The following SLC25A13 variants were observed in gnomAD, a reference collection of about 807,000 sequenced individuals.
The protein encoded by SLC25A13 is electrogenic aspartate/glutamate antiporter SLC25A13, mitochondrial.
In SLC25A13, 70 loss-of-function variants were observed where a neutral mutation model predicts 85.5. That is an observed-to-expected ratio of 0.82 (90% confidence interval 0.68 to 1.00). The LOEUF is 1.00. Among genes scored for constraint, SLC25A13 ranks in the 50% least tolerant of loss-of-function variants. The pLI, the probability that SLC25A13 is intolerant of heterozygous loss-of-function variation, is 0.00. For missense variants in SLC25A13, 765 were observed against 819.8 expected, an observed-to-expected ratio of 0.93 and a Z score of 0.82; for synonymous variants, 259 against 288.7, an observed-to-expected ratio of 0.90 and a Z score of 1.04.
intron 1 of SLC25A13, among the ~76,000 whole-genome samples, chr7:96,317,800 A>C (rs1268629833): frequency 1.6e-5 from 2 of 122,710 alleles, no homozygotes; most frequent in South Asian, 2.5e-4. Context: ...ATTTTATTTT[A>C]CTTTATTTTA....
chr7:96,213,382 G>A (rs951571747), intron 4 of SLC25A13, among the ~76,000 whole-genome samples: 1 of 152,108 alleles, frequency 6.6e-6, no homozygotes, highest in Non-Finnish European at 1.5e-5. Flanking sequence ...GCTCTCAGAG[G>A]TAAGAGGAAC....
At chr7:96,255,357 A>G (rs1797594987) in intron 3 of SLC25A13, among the ~76,000 whole-genome samples, 1 of 152,240 alleles carries the variant, frequency 6.6e-6, no homozygotes, top group African/African-American at 2.4e-5. Flanking sequence ...CATTTGAAAT[A>G]TCAGCATGAA....
chr7:96,293,126 C>T (rs565083811), intron 2 of SLC25A13, among the ~76,000 whole-genome samples: 2 of 152,258 alleles, frequency 1.3e-5, no homozygotes, highest in East Asian at 1.9e-4. Flanking sequence ...AATAATACCA[C>T]ACATCTACAA....
chr7:96,139,962 T>C (rs1792454340), intron 14 of SLC25A13, among the ~76,000 whole-genome samples: 1 of 129,636 alleles, frequency 7.7e-6, no homozygotes, highest in South Asian at 2.5e-4. Context: ...TTTTTTTTTT[T>C]TTTTTTTTTT....
rs376472480 is a variant in SLC25A13, at chr7:96,227,823, A to T, written c.328+6979T>A. On this transcript the variant is annotated intron_variant, in intron 4 of 17. Coordinates refer to ENST00000265631, the MANE Select transcript of SLC25A13 (RefSeq NM_014251.3). ...AAAGGAAAGCAAACTTCTGGAAGAT[A>T]ACATAGGAGAATATCTTCCTGACCC... Among the ~76,000 whole-genome samples the T allele has an allele frequency of 4.2e-4, 64 of 152,348 alleles. 1 individual carries two copies. In the East Asian group the frequency reaches 5.0e-3, roughly 12 times the overall value.
chr7:96,189,759 G>A, intron 7 of SLC25A13, 85 bp from the exon 8 acceptor site: 1 of 1,069,714 alleles, frequency 9.3e-7, no homozygotes, highest in Non-Finnish European at 1.5e-6. Flanking sequence ...TGGAATGAGT[G>A]AACATCACAA....
intron 1 of SLC25A13, among the ~76,000 whole-genome samples, chr7:96,301,676 T>C (rs1799553579): frequency 6.6e-6 from 1 of 151,748 alleles, no homozygotes; most frequent in Admixed American, 6.6e-5. Context: ...TCACTCAGGC[T>C]GGAGTGCAGT....
chr7:96,160,266 G>A (rs1793455206), intron 13 of SLC25A13, among the ~76,000 whole-genome samples: 2 of 152,118 alleles, frequency 1.3e-5, no homozygotes. Flanking sequence ...GAAGGTAAAG[G>A]GAGAAAAACA....
At position 96,239,035 on chromosome 7, in the gene SLC25A13, TTTTA is replaced by T. The variant is rs1392723328; in HGVS notation, c.213-4122_213-4119del. On this transcript the variant is annotated intron_variant, in intron 3 of 17. Coordinates refer to ENST00000265631, the MANE Select transcript of SLC25A13 (RefSeq NM_014251.3). ...TATATATTATATATATGACTATATA[TTTTA>T]TATATATATATATATATATATATAT... Among the ~76,000 whole-genome samples, 44 of 67,870 alleles carry T rather than the reference TTTTA, an allele frequency of 6.5e-4. No homozygotes were observed. The South Asian group carries it at 0.012, about 18-fold the overall frequency. 44.5% of individuals were successfully genotyped at this position (67,870 alleles called of 152,430 possible).
At chr7:96,272,988 T>C (rs918707836) in intron 3 of SLC25A13, among the ~76,000 whole-genome samples, 4 of 152,192 alleles carry the variant, frequency 2.6e-5, no homozygotes, top group African/African-American at 4.8e-5. Flanking sequence ...TATCTACTCA[T>C]ATAACAACAA....
rs778870188 is a variant in SLC25A13, at chr7:96,186,559, A to C, written c.934-1548T>G. 5.9e-5 allele frequency among the ~76,000 whole-genome samples: 9 copies of C among 152,342 alleles called. 1 individual carries two copies. The highest frequency in any genetic ancestry group is 1.3e-4 in the Non-Finnish European group (9 of 68,024). ...CCCAAATTTTTGCTCTTTAAACAAA[A>C]AGAACAAAAATTTGGGAAATATTCT... On this transcript the variant is annotated intron_variant, in intron 9 of 17. Transcript: ENST00000265631.
rs76766544 is a variant in SLC25A13 at position 96,139,793 on chromosome 7, C to G, written c.1452+6763G>C. On this transcript the variant is annotated intron_variant, in intron 14 of 17. Coordinates refer to ENST00000265631, the MANE Select transcript of SLC25A13 (RefSeq NM_014251.3). ...AGACTTATCCATCTCATTGCAAAAGCAGGATATCCTTCCTTTTTAAGGCTA... is the reference window on the plus strand; with the variant it reads ...AGACTTATCCATCTCATTGCAAAAGGAGGATATCCTTCCTTTTTAAGGCTA... Among the ~76,000 whole-genome samples, 12 of 152,280 alleles carry G rather than the reference C, an allele frequency of 7.9e-5. No individual in the cohort carries two copies. In the East Asian group the frequency reaches 2.3e-3, roughly 29 times the overall value.
intron 11 of SLC25A13, among the ~76,000 whole-genome samples, chr7:96,183,795 C>T (rs1251499604): frequency 6.6e-6 from 1 of 152,094 alleles, no homozygotes; most frequent in Non-Finnish European, 1.5e-5. Context: ...TGAATCAACT[C>T]CATTGGGTTG....
intron 13 of SLC25A13, among the ~76,000 whole-genome samples, chr7:96,154,331 C>G (rs1012470897): frequency 2.1e-5 from 3 of 146,172 alleles, no homozygotes; most frequent in Non-Finnish European, 4.5e-5. Flanking sequence ...GAGTCTCACT[C>G]TCTTACCCAG....
At chr7:96,281,851 G>A (rs977419240) in intron 2 of SLC25A13, among the ~76,000 whole-genome samples, 15 of 152,064 alleles carry the variant, frequency 9.9e-5, no homozygotes, top group Admixed American at 4.6e-4. Context: ...TCATCACCAC[G>A]GCTGGGCAGT....
At chr7:96,167,415 G>C (rs1257505181) in intron 13 of SLC25A13, among the ~76,000 whole-genome samples, 1 of 151,992 alleles carries the variant, frequency 6.6e-6, no homozygotes, top group Non-Finnish European at 1.5e-5. Flanking sequence ...AATAAAACAG[G>C]CTGTTTAGCT....
At chr7:96,229,868 G>C (rs752773991) in intron 4 of SLC25A13, among the ~76,000 whole-genome samples, 5 of 152,028 alleles carry the variant, frequency 3.3e-5, no homozygotes, top group Non-Finnish European at 5.9e-5. Context: ...TCACCACGAG[G>C]GTCCGCAGCT....
chr7:96,184,711 G>A (rs1794557449), intron 10 of SLC25A13: 1 of 633,620 alleles, frequency 1.6e-6, no homozygotes. Context: ...GGCCTGATCT[G>A]TAGATAGAGG....
intron 13 of SLC25A13, chr7:96,169,723 T>G: frequency 2.9e-6 from 1 of 347,106 alleles, no homozygotes; most frequent in Non-Finnish European, 5.3e-6. Context: ...AAGAATGTAC[T>G]AAAAATTAAC....
Sources: allele counts gnomAD v4.1 joint callset (sites outside exome capture counted in the v4.1 genomes callset), GRCh38; gene constraint gnomAD v4.1.1; transcripts MANE v1.5; gene names NCBI Gene and HGNC (gene_info 2026-07-23, HGNC 2026-07-21).